The following TAF12 variants were observed in gnomAD, a reference collection of about 807,000 sequenced individuals.
TAF12 encodes the protein TATA-box binding protein associated factor 12.
TAF12 carries 3 observed loss-of-function variants against 20.8 expected under a neutral mutation model. The ratio of observed to expected loss-of-function variants is 0.14; its 90% CI spans 0.07 to 0.37. The LOEUF (loss-of-function observed/expected upper bound fraction) is 0.37. Ranked by LOEUF, TAF12 falls within the 10% of genes least tolerant of loss-of-function variation. The pLI is 1.00. For synonymous variants in TAF12, 69 were observed against 70.2 expected (o/e 0.98, Z 0.09); for missense variants, 131 against 197.9 (o/e 0.66, Z 2.03).
intron 3 of TAF12, 43 bp from the exon 4 acceptor site, chr1:28,613,404 G>A (rs746689370): frequency 6.5e-7 from 1 of 1,527,050 alleles, no homozygotes; most frequent in South Asian, 1.2e-5. Flanking sequence ...ACATTGGCAG[G>A]GTAGGCTCCT....
chr1:28,629,722 C>T (rs1368326440), intron 1 of TAF12, among the ~76,000 whole-genome samples: 2 of 151,892 alleles, frequency 1.3e-5, no homozygotes, highest in African/African-American at 2.4e-5. Context: ...CTCACTGCAC[C>T]CCCAAAATCC....
intron 3 of TAF12, among the ~76,000 whole-genome samples, chr1:28,615,703 A>G (rs1233051824): frequency 6.7e-6 from 1 of 149,658 alleles, no homozygotes; most frequent in Admixed American, 6.7e-5. Flanking sequence ...AAAAAAAAAA[A>G]AAAAAAAAAG....
At chr1:28,636,585 T>A (rs1383442350) in intron 1 of TAF12, among the ~76,000 whole-genome samples, 3 of 150,584 alleles carry the variant, frequency 2.0e-5, no homozygotes, top group Non-Finnish European at 4.4e-5. Context: ...AACCTAGGAG[T>A]TTGAGACCAG....
intron 1 of TAF12, among the ~76,000 whole-genome samples, chr1:28,639,450 G>C (rs918397552): frequency 2.1e-5 from 2 of 95,314 alleles, no homozygotes; most frequent in Admixed American, 9.6e-5. Flanking sequence ...AAGGTAATAT[G>C]TCCTTTTGTC....
intron 1 of TAF12, among the ~76,000 whole-genome samples, chr1:28,635,438 T>A (rs1302160035): frequency 6.6e-6 from 1 of 150,958 alleles, no homozygotes; most frequent in African/African-American, 2.4e-5. Context: ...CCTGAGTAGC[T>A]GGGTCTACAG....
intron 1 of TAF12, among the ~76,000 whole-genome samples, chr1:28,633,624 A>G (rs562319139): frequency 6.6e-6 from 1 of 151,640 alleles, no homozygotes; most frequent in Admixed American, 6.6e-5. Context: ...TAAAAATACA[A>G]AAATTAGCCG....
intron 1 of TAF12, chr1:28,642,569 C>T (rs949231171): frequency 2.2e-5 from 20 of 916,170 alleles, no homozygotes; most frequent in Non-Finnish European, 2.6e-5. Flanking sequence ...TCTTCGCTGC[C>T]CCGTTTCTGA....
At chr1:28,604,963 T>G (rs946437122) in intron 5 of TAF12, among the ~76,000 whole-genome samples, 2 of 152,172 alleles carry the variant, frequency 1.3e-5, no homozygotes, top group African/African-American at 4.8e-5. Flanking sequence ...GGATACTACC[T>G]CTCAGAACAA....
chr1:28,616,551 G>A (rs1667049579), intron 3 of TAF12, among the ~76,000 whole-genome samples: 1 of 151,772 alleles, frequency 6.6e-6, no homozygotes, highest in Admixed American at 6.6e-5. Flanking sequence ...TGGCCAACAT[G>A]GCAAAACCCC....
At chr1:28,646,857 C>G (rs1412917515), upstream of TAF12, among the ~76,000 whole-genome samples, 2 of 152,172 alleles carry the variant, frequency 1.3e-5, no homozygotes, top group Non-Finnish European at 2.9e-5. Flanking sequence ...CGCCACCACA[C>G]CCGGCTAATT....
chr1:28,644,974 A>ATGTGTG (rs1668147102), upstream of TAF12, among the ~76,000 whole-genome samples: 1 of 152,154 alleles, frequency 6.6e-6, no homozygotes, highest in Non-Finnish European at 1.5e-5. Context: ...ATAGTTCACT[A>ATGTGTG]CAGCCTCAAA....
chr1:28,617,901 T>C (rs558610517), intron 3 of TAF12, 52 bp downstream of exon 3: 1 of 1,556,394 alleles, frequency 6.4e-7, no homozygotes, highest in African/African-American at 1.4e-5. Flanking sequence ...TTAACCACTA[T>C]GCTATACCGG....
chr1:28,637,644 G>A (rs1321737181), intron 1 of TAF12, among the ~76,000 whole-genome samples: 3 of 151,714 alleles, frequency 2.0e-5, no homozygotes, highest in Admixed American at 6.6e-5. Context: ...CAGCCTGGGC[G>A]ACAGAGCAAG....
upstream of TAF12, among the ~76,000 whole-genome samples, chr1:28,643,780 T>C (rs528557092): frequency 2.0e-5 from 3 of 152,102 alleles, no homozygotes; most frequent in African/African-American, 4.8e-5. Context: ...ACTGCTGTTA[T>C]GTGGCTCACG....
chr1:28,636,434 G>T (rs1359373546), intron 1 of TAF12, among the ~76,000 whole-genome samples: 5 of 152,132 alleles, frequency 3.3e-5, no homozygotes, highest in Non-Finnish European at 7.3e-5. Flanking sequence ...CTTTTCAGCT[G>T]TATTGAGCAA....
At chr1:28,604,953 G>A (rs193105607) in intron 5 of TAF12, among the ~76,000 whole-genome samples, 126 of 152,178 alleles carry the variant, frequency 8.3e-4, no homozygotes, top group Non-Finnish European at 1.3e-3. Flanking sequence ...ACGGCAGCCT[G>A]GATACTACCT....
At chr1:28,620,315 G>A (rs944154563) in intron 2 of TAF12, among the ~76,000 whole-genome samples, 1 of 151,528 alleles carries the variant, frequency 6.6e-6, no homozygotes, top group African/African-American at 2.4e-5. Context: ...TGTAATTTTA[G>A]TAGAGATGGG....
intron 1 of TAF12, among the ~76,000 whole-genome samples, chr1:28,627,010 T>C (rs568658643): frequency 6.6e-6 from 1 of 151,476 alleles, no homozygotes; most frequent in East Asian, 1.9e-4. Flanking sequence ...AGGATTTTTT[T>C]TTCTTTTTTT....
At chr1:28,635,799 T>A (rs1667803635) in intron 1 of TAF12, among the ~76,000 whole-genome samples, 1 of 151,536 alleles carries the variant, frequency 6.6e-6, no homozygotes, top group Admixed American at 6.6e-5. Context: ...TCTCTGTGCA[T>A]CTATTCCATT....
Sources: allele counts gnomAD v4.1 joint callset (sites outside exome capture counted in the v4.1 genomes callset), GRCh38; gene constraint gnomAD v4.1.1; transcripts MANE v1.5; gene names NCBI Gene and HGNC (gene_info 2026-07-23, HGNC 2026-07-21).